The following SCX variants were observed in gnomAD, a reference collection of about 807,000 sequenced individuals.
SCX encodes the protein scleraxis bHLH transcription factor.
In SCX, 7 loss-of-function variants were observed where a neutral mutation model predicts 12.2. The ratio of observed to expected loss-of-function variants is 0.57; its 90% confidence interval spans 0.33 to 1.08. The LOEUF is 1.08. Ranked by LOEUF, SCX falls within the 50% of genes least tolerant of loss-of-function variation. The pLI, the probability that SCX is intolerant of heterozygous loss-of-function variation, is 0.04. For synonymous variants in SCX, 193 were observed against 163.9 expected, an observed-to-expected ratio of 1.18 and a Z score of -1.36; for missense variants, 342 against 337.2, an observed-to-expected ratio of 1.01 and a Z score of -0.11.
In SCX at chr8:144,268,164, G is replaced by GC. The variant is rs1845424029; in HGVS notation, c.*22_*23insC. The GC allele has an allele frequency of 6.4e-4, 988 of 1,550,466 alleles. 2 individuals are homozygous for GC. The highest frequency in any genetic ancestry group is 4.1e-3 in the Middle Eastern group (22 of 5,382). ...TTAGGAGGTGGCCGGCAGCAGCCAG[G>GC]AGGCAGACGCTGCTGGGGGAGGTGG... On this transcript the variant is annotated 3_prime_UTR_variant, in exon 2 of 2. Coordinates refer to ENST00000567180, the MANE Select transcript of SCX (RefSeq NM_001080514.3).
chr8:144,268,446 T>C lies in SCX; in HGVS notation c.*304T>C, dbSNP rs1845432366. The C allele has an allele frequency of 1.8e-6, 1 of 545,016 alleles. No individual in the cohort carries two copies. 33.8% of individuals were successfully genotyped at this position (545,016 alleles called of 1,614,324 possible). On this transcript the variant is annotated 3_prime_UTR_variant, in exon 2 of 2. Coordinates refer to ENST00000567180, the MANE Select transcript of SCX (RefSeq NM_001080514.3). ...GATATGATAATATAAAGTCTGAAAATTTTGTATAATTAAAAACAAAACAGT... is the reference window on the plus strand; with the variant it reads ...GATATGATAATATAAAGTCTGAAAACTTTGTATAATTAAAAACAAAACAGT...
At position 144,268,094 on chromosome 8, in the gene SCX, C is replaced by G; in HGVS notation, c.568-10C>G. On this transcript the variant is annotated splice_polypyrimidine_tract_variant and intron_variant, in intron 1 of 1. Coordinates refer to ENST00000567180, the MANE Select transcript of SCX (RefSeq NM_001080514.3). ...TGCCGGGGCCTGACACTCCTCCCTC[C>G]CCTCTGCAGAGCAAGGACCGCGACA... 1 of 1,550,602 alleles carries G rather than the reference C, an allele frequency of 6.4e-7. No homozygotes were observed. The highest frequency in any genetic ancestry group is 1.2e-5 in the South Asian group (1 of 84,050).
intron 1 of SCX, among the ~76,000 whole-genome samples, 182 bp downstream of exon 1, chr8:144,267,362 C>T (rs1324625997): frequency 6.6e-6 from 1 of 152,060 alleles, no homozygotes; most frequent in African/African-American, 2.4e-5. Flanking sequence ...CAGGGCGTCC[C>T]TAGGACACTC....
At position 144,266,730 on chromosome 8, in the gene SCX, C is replaced by T; in HGVS notation, c.117C>T (p.Pro39=). The T allele has an allele frequency of 8.9e-7, 1 of 1,125,726 alleles. No homozygotes were observed. The highest frequency in any genetic ancestry group is 2.2e-5 in the South Asian group (1 of 46,266). The allele number at this position is 1,125,726 out of a possible 1,614,324, so 69.7% of individuals were successfully genotyped here. The change falls in exon 1 of 2, where the codon CCC becomes CCT. Residue 39 remains proline (P), a synonymous_variant. Transcript: ENST00000567180. ...GSDSSGSDEK[P]CRVHAARCGL... ...ACAGCTCGGGCTCCGACGAGAAACC[C>T]TGTCGCGTGCACGCGGCGCGCTGCG...
At position 144,266,900 on chromosome 8, in the gene SCX, C is replaced by T. The variant is rs1410103353; in HGVS notation, c.287C>T (p.Thr96Met). Reference sequence around the variant, plus strand: ...ACCAACAGCGTGAACACGGCCTTCACGGCGCTGCGCACGCTGATCCCCACC... The same window carrying T: ...ACCAACAGCGTGAACACGGCCTTCATGGCGCTGCGCACGCTGATCCCCACC... Reference protein sequence around the residue: ...DRTNSVNTAFTALRTLIPTEP... With the variant: ...DRTNSVNTAFMALRTLIPTEP... The change falls in exon 1 of 2, where the codon ACG (threonine) becomes ATG (methionine). Residue 96 changes from threonine (T) to methionine (M), a missense_variant. Transcript: ENST00000567180. 89 of 1,527,404 alleles carry T rather than the reference C, an allele frequency of 5.8e-5. No individual in the cohort carries two copies. Among genetic ancestry groups the T allele is most frequent in the East Asian group, 1.1e-4 (4 of 37,740 alleles). The allele number at this position is 1,527,404 out of a possible 1,614,324, so 94.6% of individuals were successfully genotyped here. A position where few individuals can be genotyped will look rare whatever the true frequency, so the allele number is the denominator to read the frequency against.
Position 144,266,667 on chromosome 8 carries a change from G to A in SCX, c.54G>A (p.Glu18=), listed in dbSNP as rs1292322320. The change falls in exon 1 of 2, where the codon GAG becomes GAA. Residue 18 remains glutamate, a synonymous_variant. Transcript: ENST00000567180. ...PAPPGRYLYP[E]VSPLSEDEDR... ...CGCCGGGCCGCTACCTGTACCCCGA[G>A]GTGAGCCCGCTGTCGGAGGACGAGG... 1 of 1,263,398 alleles carries A rather than the reference G, an allele frequency of 7.9e-7. No homozygotes were observed. The highest frequency in any genetic ancestry group is 1.4e-5 in the South Asian group (1 of 69,742). The allele number at this position is 1,263,398 out of a possible 1,614,324, so 78.3% of individuals were successfully genotyped here.
chr8:144,268,326 G>C lies in SCX; in HGVS notation c.*184G>C, dbSNP rs1845429264. On this transcript the variant is annotated 3_prime_UTR_variant, in exon 2 of 2. Coordinates refer to ENST00000567180, the MANE Select transcript of SCX (RefSeq NM_001080514.3). ...GACGTACAGACAGGCGCCGGCAGCG[G>C]GACTCTGCGCTGGCCCCAGCACCTG... 1 of 825,778 alleles carries C rather than the reference G, an allele frequency of 1.2e-6. No individual in the cohort carries two copies. The highest frequency in any genetic ancestry group is 1.7e-5 in the African/African-American group (1 of 58,362). The allele number at this position is 825,778 out of a possible 1,614,324, so 51.2% of individuals were successfully genotyped here. A position where few individuals can be genotyped will look rare whatever the true frequency, so the allele number is the denominator to read the frequency against.
In SCX at chr8:144,266,953, A is replaced by C; in HGVS notation, c.340A>C (p.Ile114Leu). Reference protein sequence around the residue: ...TEPADRKLSKIETLRLASSYI... With the variant: ...TEPADRKLSKLETLRLASSYI... The stretch of plus-strand genomic sequence containing the variant: ...GCCCGCCGACCGCAAGCTCTCCAAG[A>C]TTGAGACGCTGCGCCTGGCCTCCAG... The change falls in exon 1 of 2, where the codon ATT becomes CTT. Residue 114 changes from isoleucine (I) to leucine (L), a missense_variant. This residue lies in a region of SCX where 161 missense variants were observed against 155.7 expected (regional missense o/e 1.03). Transcript: ENST00000567180. The C allele has an allele frequency of 6.4e-7, 1 of 1,559,898 alleles. No homozygotes were observed. Among genetic ancestry groups the C allele is most frequent in the Non-Finnish European group, 8.6e-7 (1 of 1,159,136 alleles).
rs1470138335 is a variant in SCX, at chr8:144,266,570, T to A, written c.-44T>A. The A allele has an allele frequency of 9.9e-7, 1 of 1,012,760 alleles. No homozygotes were observed. The highest frequency in any genetic ancestry group is 9.5e-5 in the East Asian group (1 of 10,530). 62.7% of individuals were successfully genotyped at this position (1,012,760 alleles called of 1,614,324 possible). On this transcript the variant is annotated 5_prime_UTR_variant, in exon 1 of 2. It removes an upstream start codon present in the reference 5' UTR. Transcript: ENST00000567180. ...CCCGCGGCGGCCGCAGGAGGCGGCA[T>A]GAGCAGCGCGCGACAGAGCTGACGC...
rs1386392051 is a variant in SCX at position 144,266,481 on chromosome 8, C to T, written c.-133C>T. 3.0e-6 allele frequency: 3 copies of T among 984,936 alleles called. No homozygotes were observed. Among genetic ancestry groups the T allele is most frequent in the Admixed American group, 6.2e-5 (1 of 16,150 alleles). The allele number at this position is 984,936 out of a possible 1,614,324, so 61.0% of individuals were successfully genotyped here. A position where few individuals can be genotyped will look rare whatever the true frequency, so the allele number is the denominator to read the frequency against. On this transcript the variant is annotated 5_prime_UTR_variant, in exon 1 of 2. Transcript: ENST00000567180. Reference sequence around the variant, plus strand: ...CCGGGACGCACATGTGCGCGCGACGCCCGGCAGCTGCCACCGCGGGGCGCA... The same window carrying T: ...CCGGGACGCACATGTGCGCGCGACGTCCGGCAGCTGCCACCGCGGGGCGCA...
At position 144,266,781 on chromosome 8, in the gene SCX, G is replaced by T; in HGVS notation, c.168G>T (p.Ala56=). ...GCCTCCAGGGCGCCCGGCGGAGGGC[G>T]GGGGGCCGGCGGGCCGGGGGCGGGG... ...RCGLQGARRR[A]GGRRAGGGGP... Residue 56 remains alanine (A), a synonymous_variant, in exon 1 of 2, where the codon GCG becomes GCT. Coordinates refer to ENST00000567180, the MANE Select transcript of SCX (RefSeq NM_001080514.3). The T allele has an allele frequency of 2.7e-6, 3 of 1,099,098 alleles. No homozygotes were observed. The highest frequency in any genetic ancestry group is 3.3e-6 in the Non-Finnish European group (3 of 904,494). 68.1% of individuals were successfully genotyped at this position (1,099,098 alleles called of 1,614,324 possible).
At position 144,268,474 on chromosome 8, in the gene SCX, C is replaced by T. The variant is rs1433388341; in HGVS notation, c.*332C>T. 1 of 470,614 alleles carries T rather than the reference C, an allele frequency of 2.1e-6. No individual in the cohort carries two copies. Among genetic ancestry groups the T allele is most frequent in the Non-Finnish European group, 3.8e-6 (1 of 264,200 alleles). The allele number at this position is 470,614 out of a possible 1,614,324, so 29.2% of individuals were successfully genotyped here. ...TGTATAATTAAAAACAAAACAGTAT[C>T]TTCCAAATATGGAGGCCAACTGTCC... On this transcript the variant is annotated 3_prime_UTR_variant, in exon 2 of 2. Coordinates refer to ENST00000567180, the MANE Select transcript of SCX (RefSeq NM_001080514.3).
Position 144,266,503 on chromosome 8 carries a change from C to G in SCX, c.-111C>G. On this transcript the variant is annotated 5_prime_UTR_variant, in exon 1 of 2. Coordinates refer to ENST00000567180, the MANE Select transcript of SCX (RefSeq NM_001080514.3). The stretch of plus-strand genomic sequence containing the variant: ...ACGCCCGGCAGCTGCCACCGCGGGG[C>G]GCAGCCGAGACCCCGCGCCTCGCCC... The G allele has an allele frequency of 1.0e-6, 1 of 987,456 alleles. No individual in the cohort carries two copies. Among genetic ancestry groups the G allele is most frequent in the East Asian group, 1.1e-4 (1 of 8,934 alleles). The allele number at this position is 987,456 out of a possible 1,614,324, so 61.2% of individuals were successfully genotyped here. A position where few individuals can be genotyped will look rare whatever the true frequency, so the allele number is the denominator to read the frequency against.
Position 144,267,499 on chromosome 8 carries a change from T to C in SCX, c.567+319T>C, listed in dbSNP as rs978255134. Among the ~76,000 whole-genome samples the C allele has an allele frequency of 2.2e-4, 34 of 152,198 alleles. 1 individual carries two copies. Among genetic ancestry groups the C allele is most frequent in the African/African-American group, 6.0e-4 (25 of 41,442 alleles). On this transcript the variant is annotated intron_variant, in intron 1 of 1. Coordinates refer to ENST00000567180, the MANE Select transcript of SCX (RefSeq NM_001080514.3). ...GGACCAGGCCGCTGCAAGCTTCCCT[T>C]TTCAGTAAGTTGAAAGGCGGAGTGA...
rs1303141800 is a variant in SCX, at chr8:144,268,270, C to G, written c.*128C>G. 1.4e-6 allele frequency: 2 copies of G among 1,394,444 alleles called. No homozygotes were observed. The highest frequency in any genetic ancestry group is 2.9e-5 in the African/African-American group (2 of 69,774). 86.4% of individuals were successfully genotyped at this position (1,394,444 alleles called of 1,614,324 possible). A position where few individuals can be genotyped will look rare whatever the true frequency, so the allele number is the denominator to read the frequency against. Reference sequence around the variant, plus strand: ...ACCGCAAGCATGCCCCCAGGCCAGCCCTGGCTGCGAGCGGGGCCGAGGGAC... The same window carrying G: ...ACCGCAAGCATGCCCCCAGGCCAGCGCTGGCTGCGAGCGGGGCCGAGGGAC... On this transcript the variant is annotated 3_prime_UTR_variant, in exon 2 of 2. Transcript: ENST00000567180.
Position 144,267,065 on chromosome 8 carries a change from A to C in SCX, c.452A>C (p.His151Pro). 6.9e-7 allele frequency: 1 copy of C among 1,441,922 alleles called. No homozygotes were observed. Among genetic ancestry groups the C allele is most frequent in the Non-Finnish European group, 9.1e-7 (1 of 1,102,192 alleles). The allele number at this position is 1,441,922 out of a possible 1,614,324, so 89.3% of individuals were successfully genotyped here. ...QPCHSGPAFF[H>P]AARAGSPPPP... ...TGCCACTCCGGGCCCGCCTTCTTCCACGCGGCGCGCGCCGGCAGCCCCCCG... is the reference window on the plus strand; with the variant it reads ...TGCCACTCCGGGCCCGCCTTCTTCCCCGCGGCGCGCGCCGGCAGCCCCCCG... The change falls in exon 1 of 2, where the codon CAC becomes CCC. Residue 151 changes from histidine (H) to proline (P), a missense_variant. Physicochemically the swap from His to Pro is moderately conservative, Grantham distance 77. This residue lies in a region of SCX where 161 missense variants were observed against 155.7 expected (regional missense o/e 1.03). Coordinates refer to ENST00000567180, the MANE Select transcript of SCX (RefSeq NM_001080514.3).
At chr8:144,267,357 C>T (rs1845398540) in intron 1 of SCX, among the ~76,000 whole-genome samples, 177 bp downstream of exon 1, 2 of 152,066 alleles carry the variant, frequency 1.3e-5, no homozygotes. Flanking sequence ...CTCTCCAGGG[C>T]GTCCCTAGGA....
Position 144,266,482 on chromosome 8 carries a change from C to T in SCX, c.-132C>T. On this transcript the variant is annotated 5_prime_UTR_variant, in exon 1 of 2. Coordinates refer to ENST00000567180, the MANE Select transcript of SCX (RefSeq NM_001080514.3). ...CGGGACGCACATGTGCGCGCGACGC[C>T]CGGCAGCTGCCACCGCGGGGCGCAG... 2 of 985,354 alleles carry T rather than the reference C, an allele frequency of 2.0e-6. No individual in the cohort carries two copies. Among genetic ancestry groups the T allele is most frequent in the South Asian group, 4.6e-5 (1 of 21,516 alleles). The allele number at this position is 985,354 out of a possible 1,614,324, so 61.0% of individuals were successfully genotyped here. A position where few individuals can be genotyped will look rare whatever the true frequency, so the allele number is the denominator to read the frequency against.
In SCX at chr8:144,266,559, A is replaced by G. The variant is rs1845370958; in HGVS notation, c.-55A>G. The G allele has an allele frequency of 5.0e-6, 5 of 1,003,066 alleles. No homozygotes were observed. In the South Asian group the frequency reaches 1.8e-4, roughly 36 times the overall value. The allele number at this position is 1,003,066 out of a possible 1,614,324, so 62.1% of individuals were successfully genotyped here. The stretch of plus-strand genomic sequence containing the variant: ...GGCCCGCGAGGCCCGCGGCGGCCGC[A>G]GGAGGCGGCATGAGCAGCGCGCGAC... On this transcript the variant is annotated 5_prime_UTR_variant, in exon 1 of 2. Transcript: ENST00000567180.
Sources: allele counts gnomAD v4.1 joint callset (sites outside exome capture counted in the v4.1 genomes callset), GRCh38; gene constraint gnomAD v4.1.1; regional missense constraint gnomAD v4.1.1; transcripts MANE v1.5; gene names NCBI Gene and HGNC (gene_info 2026-07-23, HGNC 2026-07-21).